The following USP22 variants were observed in gnomAD, a reference collection of about 807,000 sequenced individuals.
USP22 encodes the protein ubiquitin specific peptidase 22.
A neutral mutation model predicts 68.1 loss-of-function variants in USP22; 22 were observed. The observed-to-expected ratio is 0.32, with a 90% confidence interval of 0.23 to 0.46. The LOEUF (loss-of-function observed/expected upper bound fraction) is 0.46, where lower values mean the gene tolerates loss of function less well. Among genes scored for constraint, USP22 ranks in the 20% least tolerant of loss-of-function variants. The pLI, the probability that USP22 is intolerant of heterozygous loss-of-function variation, is 1.00. For missense variants in USP22, 433 were observed against 695.8 expected (o/e 0.62, Z 4.25); for synonymous variants, 279 against 274.2 (o/e 1.02, Z -0.17).
At chr17:21,004,756 G>C (rs1232924815) in intron 11 of USP22, among the ~76,000 whole-genome samples, 172 bp downstream of exon 11, 1 of 152,162 alleles carries the variant, frequency 6.6e-6, no homozygotes, top group Non-Finnish European at 1.5e-5. Context: ...GCACCACGTG[G>C]AGCGGCCTTT....
chr17:21,027,292 C>CAAAAAAAAAAAAAAAAAAAAAAAAAAAAA (rs71357459), intron 2 of USP22, among the ~76,000 whole-genome samples: 9 of 72,274 alleles, frequency 1.2e-4, no homozygotes, highest in Non-Finnish European at 1.6e-4. Flanking sequence ...ACCCTGTCTC[C>CAAAAAAAAAAAAAAAAAAAAAAAAAAAAA]AAAAAAAAAA....
At chr17:21,017,827 T>C in intron 5 of USP22, 115 bp downstream of exon 5, 1 of 1,305,370 alleles carries the variant, frequency 7.7e-7, no homozygotes, top group Middle Eastern at 2.5e-4. Flanking sequence ...AACATTAACT[T>C]ACTACAAAAG....
At chr17:21,025,193 A>T (rs1972205012) in intron 2 of USP22, among the ~76,000 whole-genome samples, 1 of 152,114 alleles carries the variant, frequency 6.6e-6, no homozygotes, top group South Asian at 2.1e-4. Flanking sequence ...CAAAAACCAA[A>T]CAACCCAATT....
At position 21,008,483 on chromosome 17, in the gene USP22, G is replaced by A. The variant is rs544823835; in HGVS notation, c.1104-487C>T. 9.1e-4 allele frequency among the ~76,000 whole-genome samples: 139 copies of A among 152,308 alleles called. No individual in the cohort carries two copies. The Middle Eastern group carries it at 0.01, about 11-fold the overall frequency. ...AAGCTGTACCCTGGATGCGTCCCCA[G>A]AGAATTAGGATGTGCAAGAAAAGCC... On this transcript the variant is annotated intron_variant, in intron 8 of 12. Transcript: ENST00000261497.
chr17:21,041,842 G>A (rs886205894), intron 1 of USP22, among the ~76,000 whole-genome samples: 20 of 152,244 alleles, frequency 1.3e-4, no homozygotes, highest in African/African-American at 4.3e-4. Context: ...GCAAGACTGG[G>A]CTCCCCGAGG....
At chr17:21,003,288 C>A (rs1273324763) in intron 12 of USP22, among the ~76,000 whole-genome samples, 1 of 152,172 alleles carries the variant, frequency 6.6e-6, no homozygotes, top group Non-Finnish European at 1.5e-5. Flanking sequence ...ACCACCACCC[C>A]CACCTGCCAC....
intron 1 of USP22, among the ~76,000 whole-genome samples, chr17:21,038,755 T>C (rs1972388694): frequency 6.6e-6 from 1 of 151,674 alleles, no homozygotes; most frequent in African/African-American, 2.4e-5. Context: ...AAGAGAGAAA[T>C]GGTTTTAAAA....
At chr17:21,003,618 T>A (rs1056314145) in intron 12 of USP22, among the ~76,000 whole-genome samples, 17 of 152,104 alleles carry the variant, frequency 1.1e-4, no homozygotes, top group Non-Finnish European at 1.3e-4. Context: ...AGAACTGATG[T>A]GGGCCGGGCC....
At chr17:21,033,678 G>A (rs943627999) in intron 1 of USP22, among the ~76,000 whole-genome samples, 11 of 152,090 alleles carry the variant, frequency 7.2e-5, no homozygotes, top group African/African-American at 2.7e-4. Flanking sequence ...AGGAAGGTAA[G>A]TTTAATTCTT....
At chr17:21,030,243 G>C (rs1245814958) in intron 1 of USP22, among the ~76,000 whole-genome samples, 2 of 152,138 alleles carry the variant, frequency 1.3e-5, no homozygotes, top group African/African-American at 4.8e-5. Flanking sequence ...ATAATATATT[G>C]TTTCAGGAAT....
chr17:21,024,286 C>T (rs193253443), intron 2 of USP22, among the ~76,000 whole-genome samples: 6 of 152,160 alleles, frequency 3.9e-5, no homozygotes, highest in Non-Finnish European at 5.9e-5. Context: ...ACAGCCCACA[C>T]ATGTAGCTGA....
Position 21,003,029 on chromosome 17 carries a change from G to A in USP22, c.*2C>T. On this transcript the variant is annotated 3_prime_UTR_variant, in exon 13 of 13. Transcript: ENST00000261497. Reference sequence around the variant, plus strand: ...TGTTTTTCTGACCAGCTGCAGATAAGGCTACTCGTATTCCAGGAACTGTTT... The same window carrying A: ...TGTTTTTCTGACCAGCTGCAGATAAAGCTACTCGTATTCCAGGAACTGTTT... 1 of 1,613,772 alleles carries A rather than the reference G, an allele frequency of 6.2e-7. No individual in the cohort carries two copies. The highest frequency in any genetic ancestry group is 8.5e-7 in the Non-Finnish European group (1 of 1,179,884).
chr17:21,009,125 G>A (rs1913869411), intron 8 of USP22, among the ~76,000 whole-genome samples: 1 of 150,196 alleles, frequency 6.7e-6, no homozygotes, highest in South Asian at 2.1e-4. Context: ...AAGGCAAGAG[G>A]ACTGGGAAAG....
At chr17:21,021,394 G>A (rs1567589420) in intron 2 of USP22, among the ~76,000 whole-genome samples, 168 bp from the exon 3 acceptor site, 2 of 152,202 alleles carry the variant, frequency 1.3e-5, no homozygotes, top group African/African-American at 4.8e-5. Context: ...TCCTGAGCAG[G>A]TGAGGGGCAT....
rs756529334 is a variant in USP22 at position 21,015,786 on chromosome 17, G to A, written c.804C>T (p.Ile268=). 2.0e-5 allele frequency: 33 copies of A among 1,613,644 alleles called. No individual in the cohort carries two copies. The highest frequency in any genetic ancestry group is 5.3e-5 in the African/African-American group (4 of 74,920). ...GTCGGTGGAGCACGTCCAGGGCCGCGATGAGGAACTCGTGGGCGTCCTGCT... is the reference window on the plus strand; with the variant it reads ...GTCGGTGGAGCACGTCCAGGGCCGCAATGAGGAACTCGTGGGCGTCCTGCT... ...YEQQDAHEFL[I]AALDVLHRHC... The change falls in exon 6 of 13, where the codon ATC becomes ATT. Residue 268 remains isoleucine, a synonymous_variant. Transcript: ENST00000261497.
intron 1 of USP22, among the ~76,000 whole-genome samples, chr17:21,037,069 C>T (rs759848100): frequency 2.6e-5 from 4 of 152,148 alleles, no homozygotes; most frequent in South Asian, 2.1e-4. Flanking sequence ...AAAGGGACAC[C>T]GGAGCCAGCT....
At chr17:21,017,828 A>G in intron 5 of USP22, 114 bp downstream of exon 5, 2 of 1,303,900 alleles carry the variant, frequency 1.5e-6, no homozygotes, top group South Asian at 1.4e-5. Context: ...ACATTAACTT[A>G]CTACAAAAGG....
chr17:21,004,139 G>C lies in USP22; in HGVS notation c.1535+63C>G, dbSNP rs929811813. On this transcript the variant is annotated intron_variant, in intron 12 of 12. Transcript: ENST00000261497. ...TAGGCTCAGACATGGGCTAGTCTCA[G>C]CTATACCGGAGGGGAAGCACCGTAG... 6 of 1,585,184 alleles carry C rather than the reference G, an allele frequency of 3.8e-6. No individual in the cohort carries two copies. In the African/African-American group the frequency reaches 8.1e-5, roughly 21 times the overall value.
Position 21,004,251 on chromosome 17 carries a change from C to G in USP22, c.1486G>C (p.Asp496His). ...ATGCTGGCCTTGGTGATGATGGCATCGTCACACTTGAACCACTGGTCTTTG... is the reference window on the plus strand; with the variant it reads ...ATGCTGGCCTTGGTGATGATGGCATGGTCACACTTGAACCACTGGTCTTTG... ...QHKDQWFKCD[D>H]AIITKASIKD... is the part of the protein sequence containing the mutation. Residue 496 changes from aspartate to histidine, a missense_variant, in exon 12 of 13, where the codon GAT (aspartate) becomes CAT (histidine). By Grantham distance (81) the Asp-to-His change is moderately conservative (BLOSUM62 -1). Around this residue, in one of 4 missense-constraint regions of USP22, gnomAD observed 178 missense variants for 351.5 expected, o/e 0.51. Coordinates refer to ENST00000261497, the MANE Select transcript of USP22 (RefSeq NM_015276.2). 1 of 1,614,152 alleles carries G rather than the reference C, an allele frequency of 6.2e-7. No individual in the cohort carries two copies. Among genetic ancestry groups the G allele is most frequent in the Admixed American group, 1.7e-5 (1 of 60,014 alleles).
Sources: gnomAD v4.1 joint callset for allele counts (sites outside exome capture counted in the v4.1 genomes callset) on GRCh38, gnomAD v4.1.1 for gene constraint, gnomAD v4.1.1 regional missense constraint, MANE v1.5 for transcripts, NCBI Gene and HGNC (gene_info 2026-07-23, HGNC 2026-07-21) for gene names.